The following MOV10L1 variants were observed in gnomAD, a reference collection of about 807,000 sequenced individuals.
The protein encoded by MOV10L1 is Mov10 like RNA helicase 1.
A neutral mutation model predicts 143.8 loss-of-function variants in MOV10L1; 110 were observed. The ratio of observed to expected loss-of-function variants is 0.76; its 90% CI spans 0.66 to 0.90. The LOEUF (loss-of-function observed/expected upper bound fraction) is 0.90. Ranked by LOEUF, MOV10L1 falls within the 40% of genes least tolerant of loss-of-function variation. The pLI is 0.00. For synonymous variants in MOV10L1, 593 were observed against 581.1 expected (o/e 1.02, Z -0.29); for missense variants, 1,406 against 1,526.8 (o/e 0.92, Z 1.32).
At chr22:50,092,499 G>A (rs1245346650) in intron 2 of MOV10L1, among the ~76,000 whole-genome samples, 1 of 152,012 alleles carries the variant, frequency 6.6e-6, no homozygotes, top group South Asian at 2.1e-4. Context: ...TTAGCCTGGT[G>A]TCGTGGCACA....
At chr22:50,111,254 G>A (rs1355025254) in intron 5 of MOV10L1, among the ~76,000 whole-genome samples, 2 of 152,086 alleles carry the variant, frequency 1.3e-5, no homozygotes, top group Non-Finnish European at 2.9e-5. Context: ...GGAGAAAGAG[G>A]GTGCGGTCAC....
At chr22:50,136,255 G>A (rs530422020) in intron 15 of MOV10L1, among the ~76,000 whole-genome samples, 3 of 152,014 alleles carry the variant, frequency 2.0e-5, no homozygotes, top group Non-Finnish European at 4.4e-5. Flanking sequence ...CCTGATTCTC[G>A]GGGAGAGTCT....
Position 50,143,204 on chromosome 22 carries a change from A to G in MOV10L1, c.2341A>G (p.Ile781Val). 6.2e-7 allele frequency: 1 copy of G among 1,614,114 alleles called. No individual in the cohort carries two copies. Among genetic ancestry groups the G allele is most frequent in the Non-Finnish European group, 8.5e-7 (1 of 1,180,018 alleles). ...TGGTACTGGAAAGACAGTGACAATAATAGAGGCTGTTTTACAGGTAAGGAC... is the reference window on the plus strand; with the variant it reads ...TGGTACTGGAAAGACAGTGACAATAGTAGAGGCTGTTTTACAGGTAAGGAC... ...PPGTGKTVTI[I>V]EAVLQVHFAL... Residue 781 changes from isoleucine to valine, a missense_variant, in exon 17 of 27, where the codon ATA becomes GTA. Ile to Val is a conservative substitution (Grantham distance 29). Around this residue, in one of 3 missense-constraint regions of MOV10L1, gnomAD observed 1,233 missense variants for 1,351.4 expected, o/e 0.91. Coordinates refer to ENST00000262794, the MANE Select transcript of MOV10L1 (RefSeq NM_018995.3).
intron 22 of MOV10L1, among the ~76,000 whole-genome samples, chr22:50,154,215 T>A (rs1229443588): frequency 6.6e-6 from 1 of 152,112 alleles, no homozygotes; most frequent in Non-Finnish European, 1.5e-5. Context: ...TCTCCCGCCA[T>A]CTGTCCTGCT....
intron 3 of MOV10L1, 103 bp from the exon 4 acceptor site, chr22:50,108,033 C>A (rs2061919947): frequency 9.6e-7 from 1 of 1,045,300 alleles, no homozygotes; most frequent in East Asian, 2.5e-5. Context: ...TTTAAATGTT[C>A]AAATGTATCC....
intron 7 of MOV10L1, among the ~76,000 whole-genome samples, chr22:50,114,844 C>T (rs1008780631): frequency 1.3e-5 from 2 of 152,192 alleles, no homozygotes; most frequent in African/African-American, 4.8e-5. Context: ...AGATGGCGGC[C>T]GGCTCCTGAG....
intron 6 of MOV10L1, 69 bp downstream of exon 6, chr22:50,113,857 T>C: frequency 7.5e-7 from 1 of 1,339,196 alleles, no homozygotes; most frequent in Non-Finnish European, 9.8e-7. Flanking sequence ...CTCAATAATT[T>C]CTGTAAAACC....
chr22:50,129,225 C>T (rs2062603672), intron 13 of MOV10L1, among the ~76,000 whole-genome samples: 1 of 152,144 alleles, frequency 6.6e-6, no homozygotes, highest in Non-Finnish European at 1.5e-5. Flanking sequence ...GTTCATGCCT[C>T]ACTGTCACCG....
rs1187418260 is a variant in MOV10L1, at chr22:50,147,819, T to TG, written c.2628-1792dup. Among the ~76,000 whole-genome samples, 3 of 152,232 alleles carry TG rather than the reference T, an allele frequency of 2.0e-5. No individual in the cohort carries two copies. In the East Asian group the frequency reaches 5.8e-4, roughly 29 times the overall value. ...TTTCAACAGAAATAGGGACATGAGA[T>TG]GGGGAAATGGCAGTTTGCTGATTTC... is the stretch of plus-strand genomic sequence containing the variant. On this transcript the variant is annotated intron_variant, in intron 19 of 26. Transcript: ENST00000262794.
At chr22:50,156,335 C>T (rs746391457) in intron 22 of MOV10L1, among the ~76,000 whole-genome samples, 3 of 152,044 alleles carry the variant, frequency 2.0e-5, no homozygotes, top group Admixed American at 1.3e-4. Flanking sequence ...AGGCTGGTCT[C>T]GAACTCTTGA....
chr22:50,152,888 C>T lies in MOV10L1; in HGVS notation c.2893-157C>T, dbSNP rs2063334687. Among the ~76,000 whole-genome samples the T allele has an allele frequency of 6.6e-6, 1 of 152,144 alleles. No individual in the cohort carries two copies. Among genetic ancestry groups the T allele is most frequent in the Non-Finnish European group, 1.5e-5 (1 of 68,036 alleles). On this transcript the variant is annotated intron_variant, in intron 21 of 26. Coordinates refer to ENST00000262794, the MANE Select transcript of MOV10L1 (RefSeq NM_018995.3). This position sits in a 1 kb window ranked among gnomAD's most constrained non-coding sequence, Gnocchi z 4.4. ...CCTTGGCTTGACCATCATCCAAGGGCTTGGTCTGGGGGCAGGCGACACACA... is the reference window on the plus strand; with the variant it reads ...CCTTGGCTTGACCATCATCCAAGGGTTTGGTCTGGGGGCAGGCGACACACA...
chr22:50,113,669 G>A lies in MOV10L1; in HGVS notation c.765G>A (p.Glu255=). 1.2e-6 allele frequency: 2 copies of A among 1,613,818 alleles called. No homozygotes were observed. The highest frequency in any genetic ancestry group is 1.7e-6 in the Non-Finnish European group (2 of 1,179,916). ...TCAGAGACGCCGCCCCTGTTCATGA[G>A]GCCACTCATTTCTATGGAACGATTT... ...VKRRDAAPVH[E]ATHFYGTILL... is the part of the protein sequence containing the mutation. The change falls in exon 6 of 27, where the codon GAG becomes GAA. Residue 255 remains glutamate (E), a synonymous_variant. Coordinates refer to ENST00000262794, the MANE Select transcript of MOV10L1 (RefSeq NM_018995.3).
At chr22:50,160,017 C>A (rs1365413574) in intron 24 of MOV10L1, among the ~76,000 whole-genome samples, 1 of 152,094 alleles carries the variant, frequency 6.6e-6, no homozygotes, top group Non-Finnish European at 1.5e-5. Flanking sequence ...CCCAGGAAGA[C>A]ATGGTGAATG....
Position 50,117,350 on chromosome 22 carries a change from AG to A in MOV10L1, c.1454+1del. On this transcript the variant is annotated frameshift_variant and splice_region_variant, in exon 9 of 27. Transcript: ENST00000262794. LOFTEE classifies it high-confidence loss of function. The part of the protein sequence containing the change: ...KTTVVVTAQK[R>X]NSRRQLPSFL... ...TACAGTTGTTGTGACCGCACAGAAA[AG>A]GTACCATAACTGAAATGAGTGTGGC... is the stretch of plus-strand genomic sequence containing the variant. 6.2e-7 allele frequency: 1 copy of A among 1,613,030 alleles called. No individual in the cohort carries two copies.
At chr22:50,110,281 C>A (rs1179661316) in intron 5 of MOV10L1, among the ~76,000 whole-genome samples, 1 of 151,896 alleles carries the variant, frequency 6.6e-6, no homozygotes, top group Non-Finnish European at 1.5e-5. Context: ...AACCCCATCT[C>A]TACTAAAAAC....
At position 50,161,007 on chromosome 22, in the gene MOV10L1, G is replaced by A; in HGVS notation, c.3506G>A (p.Gly1169Asp). ...TTGCTGGAATACAGTATTACAAACG[G>A]TGTTTACATGGGATGCGATTTACCT... ...GALLEYSITN[G>D]VYMGCDLPPA... The change falls in exon 26 of 27, where the codon GGT becomes GAT. Residue 1169 changes from glycine (G) to aspartate (D), a missense_variant. This residue lies in a region of MOV10L1 where 1,233 missense variants were observed against 1,351.4 expected (regional missense o/e 0.91). Transcript: ENST00000262794. 1.9e-6 allele frequency: 3 copies of A among 1,614,150 alleles called. No individual in the cohort carries two copies. The highest frequency in any genetic ancestry group is 2.5e-6 in the Non-Finnish European group (3 of 1,180,028).
chr22:50,141,392 C>G (rs1253738554), intron 15 of MOV10L1, among the ~76,000 whole-genome samples: 1 of 151,830 alleles, frequency 6.6e-6, no homozygotes, highest in East Asian at 1.9e-4. Flanking sequence ...GTTGGTCGCC[C>G]AATCTCCACT....
At chr22:50,142,382 T>A (rs1046407196) in intron 16 of MOV10L1, among the ~76,000 whole-genome samples, 193 bp downstream of exon 16, 3 of 152,170 alleles carry the variant, frequency 2.0e-5, no homozygotes, top group Non-Finnish European at 4.4e-5. Flanking sequence ...GACTTTTAGA[T>A]TCTGGGTTGT....
In MOV10L1 at chr22:50,149,595, T is replaced by G. The variant is rs771665274; in HGVS notation, c.2628-20T>G. The G allele has an allele frequency of 3.7e-6, 6 of 1,611,840 alleles. No individual in the cohort carries two copies. The Admixed American group carries it at 1.0e-4, about 27-fold the overall frequency. On this transcript the variant is annotated intron_variant, in intron 19 of 26. Transcript: ENST00000262794. The stretch of plus-strand genomic sequence containing the variant: ...AAAACAATTCGGCAGAAATTACCAT[T>G]TAGAACATCTTTGCTCTAGAGTTGG...
Sources: allele counts gnomAD v4.1 joint callset (sites outside exome capture counted in the v4.1 genomes callset), GRCh38; gene constraint gnomAD v4.1.1; regional missense constraint gnomAD v4.1.1; non-coding constraint Gnocchi (gnomAD v3.1); transcripts MANE v1.5; gene names NCBI Gene and HGNC (gene_info 2026-07-23, HGNC 2026-07-21).